Variants in ARFGEF3 observed in about 807,000 individuals in gnomAD.
ARFGEF3 encodes brefeldin A-inhibited guanine nucleotide-exchange protein 3.
In ARFGEF3, 96 loss-of-function variants were observed where a neutral mutation model predicts 221.7. The ratio of observed to expected loss-of-function variants is 0.43; its 90% CI spans 0.37 to 0.51. The LOEUF (loss-of-function observed/expected upper bound fraction) is 0.51, where lower values mean the gene tolerates loss of function less well. Ranked by LOEUF, ARFGEF3 falls within the 20% of genes least tolerant of loss-of-function variation. ARFGEF3 has a pLI of 0.00. For synonymous variants in ARFGEF3, 1,145 were observed against 1,126.8 expected, an observed-to-expected ratio of 1.02 and a Z score of -0.32; for missense variants, 2,410 against 2,789.9, an observed-to-expected ratio of 0.86 and a Z score of 3.07.
intron 14 of ARFGEF3, among the ~76,000 whole-genome samples, chr6:138,285,234 C>G (rs1779264615): frequency 6.6e-6 from 1 of 150,766 alleles, no homozygotes; most frequent in Non-Finnish European, 1.5e-5. Context: ...GAGGCCGAGG[C>G]AGGCAGATCA....
intron 4 of ARFGEF3, among the ~76,000 whole-genome samples, chr6:138,220,443 T>A (rs559908984): frequency 6.6e-6 from 1 of 152,346 alleles, no homozygotes; most frequent in East Asian, 1.9e-4. Flanking sequence ...ATTATTTCCA[T>A]TGTATTTATT....
intron 6 of ARFGEF3, among the ~76,000 whole-genome samples, chr6:138,241,758 G>A (rs2114553219): frequency 6.6e-6 from 1 of 152,326 alleles, no homozygotes; most frequent in East Asian, 1.9e-4. Context: ...AGCAGGATGT[G>A]TATCTTCAAC....
At chr6:138,188,942 A>C (rs982213604) in intron 2 of ARFGEF3, among the ~76,000 whole-genome samples, 1 of 152,234 alleles carries the variant, frequency 6.6e-6, no homozygotes, top group Non-Finnish European at 1.5e-5. Context: ...GATGTTCAGT[A>C]GTTGAAATAC....
chr6:138,191,783 G>A (rs1475731835), intron 2 of ARFGEF3, among the ~76,000 whole-genome samples: 4 of 152,046 alleles, frequency 2.6e-5, no homozygotes, highest in East Asian at 3.8e-4. Flanking sequence ...TCTCTACTTC[G>A]TTTGCATGCT....
intron 29 of ARFGEF3, among the ~76,000 whole-genome samples, chr6:138,322,316 C>A (rs966094456): frequency 1.3e-5 from 2 of 152,140 alleles, no homozygotes; most frequent in African/African-American, 4.8e-5. Flanking sequence ...CTCATTATAA[C>A]CATCAGATCT....
At chr6:138,297,041 G>A (rs1779538724) in intron 21 of ARFGEF3, 86 bp downstream of exon 21, 2 of 1,452,366 alleles carry the variant, frequency 1.4e-6, no homozygotes, top group Admixed American at 2.2e-5. Flanking sequence ...TCATGTATGG[G>A]GGCAAAGCAC....
intron 19 of ARFGEF3, among the ~76,000 whole-genome samples, chr6:138,293,411 A>G (rs1200148647): frequency 2.6e-5 from 4 of 152,236 alleles, no homozygotes; most frequent in Non-Finnish European, 5.9e-5. Flanking sequence ...GGAAAGAAAA[A>G]GAACCTGTAA....
At chr6:138,312,155 CA>C (rs1001695973) in intron 25 of ARFGEF3, among the ~76,000 whole-genome samples, 15 of 151,130 alleles carry the variant, frequency 9.9e-5, no homozygotes, top group South Asian at 2.1e-4. Context: ...GACTCTGTCT[CA>C]AAAAAAAATT....
In ARFGEF3 at chr6:138,255,501, C is replaced by G. The variant is rs776202393; in HGVS notation, c.836C>G (p.Ser279Cys). The G allele has an allele frequency of 1.9e-6, 3 of 1,614,006 alleles. No homozygotes were observed. Among genetic ancestry groups the G allele is most frequent in the Admixed American group, 1.7e-5 (1 of 60,026 alleles). The stretch of plus-strand genomic sequence containing the variant: ...CCAATTCATGACAAAACCATCACCT[C>G]TGCTCACACCAGCAGCACCAGTACC... Reference protein sequence around the residue: ...GNPIHDKTITSAHTSSTSTSL... With the variant: ...GNPIHDKTITCAHTSSTSTSL... The change falls in exon 10 of 34, where the codon TCT (serine) becomes TGT (cysteine). Residue 279 changes from serine to cysteine, a missense_variant. By Grantham distance (112) the Ser-to-Cys change is moderately radical. Transcript: ENST00000251691.
rs888677353 is a variant in ARFGEF3 at position 138,221,164 on chromosome 6, T to TTA, written c.352-8618_352-8617dup. ...GTCTTTCATTTTCTAGCATGGCAGG[T>TTA]TATCTACATGGTGGCAGTGGCAGGG... On this transcript the variant is annotated intron_variant, in intron 4 of 33. Coordinates refer to ENST00000251691, the MANE Select transcript of ARFGEF3 (RefSeq NM_020340.5). 1.0e-3 allele frequency among the ~76,000 whole-genome samples: 157 copies of TTA among 152,268 alleles called. 1 individual carries two copies. The highest frequency in any genetic ancestry group is 3.7e-3 in the African/African-American group (152 of 41,562).
chr6:138,336,392 G>A lies in ARFGEF3; in HGVS notation c.6440G>A (p.Ser2147Asn). 6.2e-7 allele frequency: 1 copy of A among 1,613,450 alleles called. No homozygotes were observed. The highest frequency in any genetic ancestry group is 8.5e-7 in the Non-Finnish European group (1 of 1,179,686). Residue 2147 changes from serine to asparagine, a missense_variant, in exon 34 of 34, where the codon AGT becomes AAT. Physicochemically the swap from Ser to Asn is conservative, Grantham distance 46 (BLOSUM62 1). Coordinates refer to ENST00000251691, the MANE Select transcript of ARFGEF3 (RefSeq NM_020340.5). ...CAGCCCGCAGTGTTCCCGTGCATCA[G>A]TCAGCTGACCTGTCACGTGACCGAC... ...ALQPAVFPCI[S>N]QLTCHVTDIR...
At position 138,258,141 on chromosome 6, in the gene ARFGEF3, C is replaced by T. The variant is rs115764552; in HGVS notation, c.1104+2372C>T. Among the ~76,000 whole-genome samples the T allele has an allele frequency of 1.6e-3, 249 of 152,282 alleles. 1 individual carries two copies. The highest frequency in any genetic ancestry group is 6.8e-3 in the Middle Eastern group (2 of 294). The stretch of plus-strand genomic sequence containing the variant: ...AAGGCCGAGTTACTGTGCCCAGCTT[C>T]CAGAGCCTTCTTCCATCATTTGCAT... On this transcript the variant is annotated intron_variant, in intron 10 of 33. Transcript: ENST00000251691.
intron 4 of ARFGEF3, among the ~76,000 whole-genome samples, chr6:138,220,787 C>T (rs74323463): frequency 1.5e-4 from 23 of 152,180 alleles, no homozygotes; most frequent in African/African-American, 5.3e-4. Flanking sequence ...GTAATCAACA[C>T]GTAACTGACC....
intron 2 of ARFGEF3, among the ~76,000 whole-genome samples, chr6:138,193,708 C>T (rs780121444): frequency 1.3e-5 from 2 of 152,078 alleles, no homozygotes; most frequent in African/African-American, 2.4e-5. Context: ...TCCTAGAAAA[C>T]TGTTACTTTA....
chr6:138,262,836 G>A lies in ARFGEF3; in HGVS notation c.1353G>A (p.Val451=). ...GGAAGGGCTTGAGCGAAGGTCAGGT[G>A]CAACTGCTGCTTCTGCGCCTTGAGG... ...SQGKGLSEGQ[V]QLLLLRLEEL... is the part of the protein sequence containing the mutation. The change falls in exon 12 of 34, where the codon GTG becomes GTA. Residue 451 remains valine, a synonymous_variant. Transcript: ENST00000251691. The A allele has an allele frequency of 6.2e-7, 1 of 1,614,030 alleles. No individual in the cohort carries two copies. The highest frequency in any genetic ancestry group is 8.5e-7 in the Non-Finnish European group (1 of 1,179,896).
At chr6:138,192,734 A>C (rs776527685) in intron 2 of ARFGEF3, among the ~76,000 whole-genome samples, 5 of 152,248 alleles carry the variant, frequency 3.3e-5, no homozygotes, top group African/African-American at 4.8e-5. Flanking sequence ...GGCCCTGGGC[A>C]GTCAGGACTT....
chr6:138,285,852 G>A (rs1244676568), intron 14 of ARFGEF3, 94 bp from the exon 15 acceptor site: 1 of 723,118 alleles, frequency 1.4e-6, no homozygotes, highest in South Asian at 1.6e-5. Context: ...AGATACAAGG[G>A]ATATTTGTTA....
intron 2 of ARFGEF3, among the ~76,000 whole-genome samples, chr6:138,184,449 G>GT (rs1413616000): frequency 6.6e-6 from 1 of 152,180 alleles, no homozygotes; most frequent in East Asian, 1.9e-4. Context: ...AGTTTGCAGT[G>GT]TGATTAAGGT....
In ARFGEF3 at chr6:138,344,010, C is replaced by T. The variant is rs1780473332; in HGVS notation, c.*7524C>T. ...CAGATAAGAATAAGATGTTTATTGC[C>T]CTAATCATGCTAAGAGACTATTATT... On this transcript the variant is annotated 3_prime_UTR_variant, in exon 34 of 34. Transcript: ENST00000251691. 1 of 151,972 alleles carries T rather than the reference C, an allele frequency of 6.6e-6. No individual in the cohort carries two copies. The highest frequency in any genetic ancestry group is 2.4e-5 in the African/African-American group (1 of 41,348). The allele number at this position is 151,972 out of a possible 1,614,324, so 9.4% of individuals were successfully genotyped here.
Sources: gnomAD v4.1 joint callset for allele counts (sites outside exome capture counted in the v4.1 genomes callset) on GRCh38, gnomAD v4.1.1 for gene constraint, MANE v1.5 for transcripts, NCBI Gene and HGNC (gene_info 2026-07-23, HGNC 2026-07-21) for gene names.